The following ZNF251 variants were observed in gnomAD, a reference collection of about 807,000 sequenced individuals.
ZNF251 encodes the protein zinc finger protein 251.
Under a neutral mutation model 13.5 loss-of-function variants are expected in ZNF251, and 14 were observed. The ratio of observed to expected loss-of-function variants is 1.04; its 90% CI spans 0.69 to 1.63. The LOEUF (loss-of-function observed/expected upper bound fraction) is 1.63, where lower values mean the gene tolerates loss of function less well. ZNF251 is among the 40% of genes most tolerant of loss of function. The pLI is 0.00. For missense variants in ZNF251, 764 were observed against 834.9 expected (o/e 0.92, Z 1.05); for synonymous variants, 287 against 295.2 (o/e 0.97, Z 0.28).
intron 4 of ZNF251, among the ~76,000 whole-genome samples, chr8:144,735,381 CAA>C (rs145271344): frequency 1.3e-3 from 125 of 94,562 alleles, no homozygotes; most frequent in Non-Finnish European, 1.6e-3. Flanking sequence ...GACTCCGTCT[CAA>C]AAAAAAAAAA....
At chr8:144,732,545 GC>G (rs1245994429) in intron 4 of ZNF251, among the ~76,000 whole-genome samples, 9 of 152,136 alleles carry the variant, frequency 5.9e-5, no homozygotes, top group Admixed American at 4.6e-4. Flanking sequence ...GGGCGCGGTG[GC>G]TCACGCCTGT....
chr8:144,740,537 G>A (rs546960853), intron 4 of ZNF251, among the ~76,000 whole-genome samples: 3 of 152,090 alleles, frequency 2.0e-5, no homozygotes, highest in South Asian at 4.2e-4. Flanking sequence ...TTGGGAGGCT[G>A]AGGCAGGAGA....
rs1823390811 is a variant in ZNF251 at position 144,722,254 on chromosome 8, G to C, written c.1406C>G (p.Ala469Gly). The change falls in exon 5 of 5, where the codon GCT becomes GGT. Residue 469 changes from alanine to glycine, a missense_variant. Coordinates refer to ENST00000292562, the MANE Select transcript of ZNF251 (RefSeq NM_138367.2). This position sits in a 1 kb window ranked among gnomAD's most constrained non-coding sequence, Gnocchi z 4.8. ...GGTGAGCTGGGAGCTCTGGCTGAAA[G>C]CTTTCCCACATTCAACGCACTGGTA... is the stretch of plus-strand genomic sequence containing the variant. ...KPYQCVECGK[A>G]FSQSSQLTLH... 5.0e-6 allele frequency: 8 copies of C among 1,613,876 alleles called. No homozygotes were observed. The highest frequency in any genetic ancestry group is 6.8e-6 in the Non-Finnish European group (8 of 1,179,952).
In ZNF251 at chr8:144,731,948, A is replaced by ATTTTTTTTTT. The variant is rs59877504; in HGVS notation, c.278-8576_278-8567dup. On this transcript the variant is annotated intron_variant, in intron 4 of 4. Coordinates refer to ENST00000292562, the MANE Select transcript of ZNF251 (RefSeq NM_138367.2). The stretch of plus-strand genomic sequence containing the variant: ...ATAAAGGACATGTCCTGACAGCTGC[A>ATTTTTTTTTT]TTTTTTTTTTTTAAGACAGAGTCTT... Among the ~76,000 whole-genome samples the ATTTTTTTTTT allele has an allele frequency of 4.4e-3, 623 of 142,004 alleles. 7 individuals are homozygous for ATTTTTTTTTT. The highest frequency in any genetic ancestry group is 0.014 in the African/African-American group (529 of 38,340). 93.2% of individuals were successfully genotyped at this position (142,004 alleles called of 152,430 possible).
intron 4 of ZNF251, among the ~76,000 whole-genome samples, chr8:144,743,656 C>T (rs1017957854): frequency 9.2e-5 from 14 of 152,162 alleles, no homozygotes; most frequent in Non-Finnish European, 2.1e-4. Context: ...TCCAGAGTGA[C>T]CACCGTTTTG....
intron 4 of ZNF251, among the ~76,000 whole-genome samples, chr8:144,743,528 G>A (rs953930263): frequency 1.3e-5 from 2 of 152,214 alleles, no homozygotes; most frequent in Admixed American, 1.3e-4. Flanking sequence ...GTAAATATCT[G>A]TGTGCAGGAT....
At position 144,754,821 on chromosome 8, in the gene ZNF251, C is replaced by G. The variant is rs1247783355; in HGVS notation, c.-75-18G>C. The G allele has an allele frequency of 6.5e-7, 1 of 1,540,300 alleles. No individual in the cohort carries two copies. The highest frequency in any genetic ancestry group is 8.7e-7 in the Non-Finnish European group (1 of 1,143,892). On this transcript the variant is annotated intron_variant, in intron 1 of 4. Transcript: ENST00000292562. ...GAACTTACCTTCAGTGGGGAGAACT[C>G]AGGCTCAGCCCCATTCAACCAGGGG...
At chr8:144,753,274 GAAAAA>G (rs11336657) in intron 4 of ZNF251, among the ~76,000 whole-genome samples, 3 of 41,818 alleles carry the variant, frequency 7.2e-5, no homozygotes, top group Non-Finnish European at 1.2e-4. Context: ...ATTCTGTCTC[GAAAAA>G]AAAAAAAAAA....
In ZNF251 at chr8:144,722,874, A is replaced by C. The variant is rs1332193656; in HGVS notation, c.786T>G (p.Asn262Lys). ...CACATTCATCACATTTAAATGGTTTATTTCCAGTGTGAATGTGATGGTGCA... is the reference window on the plus strand; with the variant it reads ...CACATTCATCACATTTAAATGGTTTCTTTCCAGTGTGAATGTGATGGTGCA... ...LVLHHHIHTG[N>K]KPFKCDECGK... Residue 262 changes from asparagine to lysine, a missense_variant, in exon 5 of 5, where the codon AAT becomes AAG. Physicochemically the swap from Asn to Lys is moderately conservative, Grantham distance 94. Coordinates refer to ENST00000292562, the MANE Select transcript of ZNF251 (RefSeq NM_138367.2). The surrounding 1 kb of genome is among the most constrained non-coding windows in gnomAD (Gnocchi z 4.8). 5 of 1,613,810 alleles carry C rather than the reference A, an allele frequency of 3.1e-6. No individual in the cohort carries two copies. The highest frequency in any genetic ancestry group is 2.5e-6 in the Non-Finnish European group (3 of 1,179,848).
chr8:144,732,817 A>C (rs1222539336), intron 4 of ZNF251, among the ~76,000 whole-genome samples: 1 of 143,280 alleles, frequency 7.0e-6, no homozygotes, highest in African/African-American at 3.0e-5. Context: ...GTCTCAAAAA[A>C]AAAAAAAAAA....
chr8:144,730,157 G>A (rs993170510), intron 4 of ZNF251: 5 of 975,452 alleles, frequency 5.1e-6, no homozygotes, highest in South Asian at 4.7e-5. Flanking sequence ...GGGAAGTGGA[G>A]AGCCATGTTT....
At chr8:144,748,522 C>CT (rs1023970710) in intron 4 of ZNF251, among the ~76,000 whole-genome samples, 7 of 151,096 alleles carry the variant, frequency 4.6e-5, no homozygotes, top group South Asian at 2.1e-4. Context: ...GGCTTCTTTT[C>CT]TTTTTTTTTG....
At chr8:144,729,708 C>G (rs2129948351) in intron 4 of ZNF251, among the ~76,000 whole-genome samples, 1 of 152,080 alleles carries the variant, frequency 6.6e-6, no homozygotes, top group East Asian at 2.0e-4. Context: ...AAAAATAGAT[C>G]TCTTGGGATG....
chr8:144,728,205 G>A (rs1563756091), intron 4 of ZNF251, among the ~76,000 whole-genome samples: 1 of 152,036 alleles, frequency 6.6e-6, no homozygotes, highest in African/African-American at 2.4e-5. Flanking sequence ...GGAGGCCCTA[G>A]GAGAGAGAGA....
chr8:144,732,758 G>A (rs1378200134), intron 4 of ZNF251, among the ~76,000 whole-genome samples: 2 of 147,156 alleles, frequency 1.4e-5, no homozygotes, highest in East Asian at 2.0e-4. Context: ...CTTGCAGTGA[G>A]CCAAGATCGC....
At chr8:144,738,617 T>C in intron 4 of ZNF251, 1 of 985,402 alleles carries the variant, frequency 1.0e-6, no homozygotes, top group South Asian at 4.7e-5. Flanking sequence ...TGCCTGCAAG[T>C]CCAAACTGCC....
At chr8:144,724,300 A>C (rs1213551984) in intron 4 of ZNF251, among the ~76,000 whole-genome samples, 4 of 151,690 alleles carry the variant, frequency 2.6e-5, no homozygotes, top group Non-Finnish European at 5.9e-5. Flanking sequence ...TTAAAGCAAC[A>C]ATCATGCCGT....
chr8:144,727,800 G>C (rs572568915), intron 4 of ZNF251, among the ~76,000 whole-genome samples: 25 of 152,202 alleles, frequency 1.6e-4, no homozygotes, highest in African/African-American at 6.0e-4. Context: ...TTTCCTTCAA[G>C]AACTTTACTT....
intron 4 of ZNF251, chr8:144,738,697 G>C (rs967819420): frequency 2.0e-6 from 2 of 984,534 alleles, no homozygotes; most frequent in Non-Finnish European, 2.4e-6. Context: ...AGGCAACCTC[G>C]TGGGGGCACC....
Sources: gnomAD v4.1 joint callset for allele counts (sites outside exome capture counted in the v4.1 genomes callset) on GRCh38, gnomAD v4.1.1 for gene constraint, Gnocchi (gnomAD v3.1) non-coding constraint, MANE v1.5 for transcripts, NCBI Gene and HGNC (gene_info 2026-07-23, HGNC 2026-07-21) for gene names.